RNF144A: variants seen among roughly 807,000 people sequenced by gnomAD.
RNF144A encodes the protein ring finger protein 144A.
A neutral mutation model predicts 38.7 loss-of-function variants in RNF144A; 11 were observed. The ratio of observed to expected loss-of-function variants is 0.28; its 90% CI spans 0.18 to 0.47. The LOEUF (loss-of-function observed/expected upper bound fraction) is 0.47, where lower values mean the gene tolerates loss of function less well. Among genes scored for constraint, RNF144A ranks in the 20% least tolerant of loss-of-function variants. RNF144A has a pLI of 0.99. For synonymous variants in RNF144A, 149 were observed against 143.9 expected, an observed-to-expected ratio of 1.04 and a Z score of -0.25; for missense variants, 316 against 377.2, an observed-to-expected ratio of 0.84 and a Z score of 1.34.
At chr2:6,997,970 CTG>C (rs1350008776) in intron 3 of RNF144A, among the ~76,000 whole-genome samples, 1 of 152,070 alleles carries the variant, frequency 6.6e-6, no homozygotes, top group Non-Finnish European at 1.5e-5. Flanking sequence ...ATTGGTAACT[CTG>C]TGAGATGATG....
intron 7 of RNF144A, among the ~76,000 whole-genome samples, chr2:7,027,427 T>A (rs1281300616): frequency 6.6e-6 from 1 of 152,256 alleles, no homozygotes; most frequent in East Asian, 1.9e-4. Flanking sequence ...CCTGCTTCCC[T>A]TAACGCACAG....
Position 7,040,388 on chromosome 2 carries a change from G to T in RNF144A, c.*628G>T. Reference sequence around the variant, plus strand: ...TTAGAAAGCCTTATGCACTCTTTGTGTTTTTCTTGAAACTTGCTGTAGTAA... The same window carrying T: ...TTAGAAAGCCTTATGCACTCTTTGTTTTTTTCTTGAAACTTGCTGTAGTAA... On this transcript the variant is annotated 3_prime_UTR_variant, in exon 9 of 9. Transcript: ENST00000320892. 1.0e-6 allele frequency: 1 copy of T among 985,410 alleles called. No individual in the cohort carries two copies. The highest frequency in any genetic ancestry group is 1.2e-6 in the Non-Finnish European group (1 of 829,912). The allele number at this position is 985,410 out of a possible 1,614,324, so 61.0% of individuals were successfully genotyped here. A position where few individuals can be genotyped will look rare whatever the true frequency, so the allele number is the denominator to read the frequency against.
At chr2:7,000,860 TTATA>T (rs536391689) in intron 3 of RNF144A, among the ~76,000 whole-genome samples, 3 of 149,456 alleles carry the variant, frequency 2.0e-5, no homozygotes, top group African/African-American at 7.3e-5. Flanking sequence ...TATATTGCGT[TTATA>T]TATATATATA....
intron 2 of RNF144A, among the ~76,000 whole-genome samples, chr2:6,954,564 A>G (rs1021331039): frequency 6.6e-6 from 1 of 152,202 alleles, no homozygotes; most frequent in Non-Finnish European, 1.5e-5. Flanking sequence ...GTCTGCAATT[A>G]CTGATTTTTG....
At chr2:6,928,054 A>G (rs998054297) in intron 1 of RNF144A, among the ~76,000 whole-genome samples, 3 of 152,114 alleles carry the variant, frequency 2.0e-5, no homozygotes, top group African/African-American at 7.2e-5. Context: ...CACGTCCTAC[A>G]TGCCTTGAGG....
chr2:7,029,236 C>T (rs1195639246), intron 7 of RNF144A, among the ~76,000 whole-genome samples: 3 of 152,240 alleles, frequency 2.0e-5, no homozygotes, highest in Non-Finnish European at 4.4e-5. Flanking sequence ...GCACCATGTG[C>T]CTCGTCATTT....
In RNF144A at chr2:7,061,500, T is replaced by G. The variant is rs113012409; in HGVS notation, c.735-6716T>G. On this transcript the variant is annotated intron_variant, in intron 6 of 6. Coordinates refer to the RNF144A transcript ENST00000432850. ...GATGATGTTTTTTTTAATTCCAAGATGAGCAAAATAATCTCAGCTAAGGCT... is the reference window on the plus strand; with the variant it reads ...GATGATGTTTTTTTTAATTCCAAGAGGAGCAAAATAATCTCAGCTAAGGCT... Among the ~76,000 whole-genome samples, 906 of 152,334 alleles carry G rather than the reference T, an allele frequency of 5.9e-3. 10 individuals carry two copies. The highest frequency in any genetic ancestry group is 0.02 in the African/African-American group (843 of 41,562).
chr2:6,986,001 C>G (rs1240312927), intron 2 of RNF144A, among the ~76,000 whole-genome samples: 3 of 152,180 alleles, frequency 2.0e-5, no homozygotes, highest in Non-Finnish European at 2.9e-5. Flanking sequence ...CACTCTCTTA[C>G]TTTGAGATTG....
intron 3 of RNF144A, among the ~76,000 whole-genome samples, chr2:6,997,925 G>A (rs1669864986): frequency 6.6e-6 from 1 of 152,082 alleles, no homozygotes; most frequent in Non-Finnish European, 1.5e-5. Context: ...TTTCTGTGAG[G>A]ATAGATCTTA....
chr2:6,952,380 T>C (rs1415272493), intron 2 of RNF144A, among the ~76,000 whole-genome samples: 4 of 117,040 alleles, frequency 3.4e-5, no homozygotes, highest in Non-Finnish European at 6.8e-5. Flanking sequence ...TTTGTCTGAT[T>C]GAAGAGGGAG....
At chr2:7,069,924 T>C (rs1674396102), downstream of RNF144A, among the ~76,000 whole-genome samples, 1 of 152,234 alleles carries the variant, frequency 6.6e-6, no homozygotes, top group East Asian at 1.9e-4. Flanking sequence ...GCTCTCCTGC[T>C]TGAACTTTTC....
At chr2:7,006,509 A>ACTC (rs2103406769) in intron 3 of RNF144A, among the ~76,000 whole-genome samples, 1 of 151,398 alleles carries the variant, frequency 6.6e-6, no homozygotes, top group South Asian at 2.1e-4. Context: ...GGGCCCTGTG[A>ACTC]CTCCTGCCTC....
intron 1 of RNF144A, among the ~76,000 whole-genome samples, chr2:6,936,718 A>G (rs1398382408): frequency 6.6e-6 from 1 of 152,186 alleles, no homozygotes; most frequent in Non-Finnish European, 1.5e-5. Context: ...TTGAAGTAGC[A>G]TCTGTGTTCC....
At chr2:7,022,533 AT>A (rs1219364227) in intron 6 of RNF144A, among the ~76,000 whole-genome samples, 1 of 152,228 alleles carries the variant, frequency 6.6e-6, no homozygotes, top group Non-Finnish European at 1.5e-5. Context: ...AACGGTTTTC[AT>A]TTTGAAATGT....
intron 1 of RNF144A, among the ~76,000 whole-genome samples, chr2:6,926,125 T>C (rs1330976483): frequency 2.6e-5 from 4 of 152,204 alleles, no homozygotes; most frequent in Admixed American, 2.0e-4. Flanking sequence ...TCTTTCACTT[T>C]GCCATCCTCA....
At chr2:7,068,331 T>C (rs1558474096), downstream of RNF144A, 2 of 1,003,406 alleles carry the variant, frequency 2.0e-6, no homozygotes, top group South Asian at 1.4e-5. Context: ...AGTAATTCAT[T>C]TGGGTAGTGG....
intron 6 of RNF144A, among the ~76,000 whole-genome samples, chr2:7,049,972 A>G (rs1673452252): frequency 6.6e-6 from 1 of 152,218 alleles, no homozygotes; most frequent in Admixed American, 6.5e-5. Flanking sequence ...AAGAAAAAGC[A>G]CAATCTCCTC....
intron 2 of RNF144A, among the ~76,000 whole-genome samples, chr2:6,948,543 C>T (rs1390350565): frequency 6.6e-6 from 1 of 152,220 alleles, no homozygotes; most frequent in African/African-American, 2.4e-5. Flanking sequence ...CAAGATGAGG[C>T]AACGGGCCAT....
intron 2 of RNF144A, among the ~76,000 whole-genome samples, chr2:6,974,271 G>T (rs540098288): frequency 6.6e-6 from 1 of 152,280 alleles, no homozygotes; most frequent in Non-Finnish European, 1.5e-5. Context: ...CGTGCCACAT[G>T]CATTCTAGTT....
Sources: allele counts gnomAD v4.1 joint callset (sites outside exome capture counted in the v4.1 genomes callset), GRCh38; gene constraint gnomAD v4.1.1; transcripts MANE v1.5; gene names NCBI Gene and HGNC (gene_info 2026-07-23, HGNC 2026-07-21).